The following C13orf42 variants were observed in gnomAD, a reference collection of about 807,000 sequenced individuals.
C13orf42 encodes the protein chromosome 13 open reading frame 42, also known as uncharacterized protein C13orf42.
At chr13:51,159,117 T>G (rs1459017435) in intron 1 of C13orf42, among the ~76,000 whole-genome samples, 2 of 152,164 alleles carry the variant, frequency 1.3e-5, no homozygotes, top group South Asian at 4.1e-4. Context: ...TCTGAGTCAT[T>G]GTGTTTCATA....
intron 1 of C13orf42, among the ~76,000 whole-genome samples, chr13:51,118,250 G>C (rs1953507443): frequency 6.6e-6 from 1 of 150,512 alleles, no homozygotes; most frequent in Non-Finnish European, 1.5e-5. Context: ...TGGACCTTGA[G>C]TAGTGACATT....
At chr13:51,138,872 T>A (rs1200278721) in intron 1 of C13orf42, among the ~76,000 whole-genome samples, 1 of 152,138 alleles carries the variant, frequency 6.6e-6, no homozygotes, top group Non-Finnish European at 1.5e-5. Flanking sequence ...AATGAATATA[T>A]ATACACATAT....
At chr13:51,130,941 A>C (rs1264085811) in intron 1 of C13orf42, among the ~76,000 whole-genome samples, 1 of 151,828 alleles carries the variant, frequency 6.6e-6, no homozygotes, top group Non-Finnish European at 1.5e-5. Context: ...TGTTGTTTTG[A>C]GTTAGGATAA....
chr13:51,160,670 C>T (rs1182884305), intron 1 of C13orf42, among the ~76,000 whole-genome samples: 2 of 151,804 alleles, frequency 1.3e-5, no homozygotes, highest in South Asian at 2.1e-4. Context: ...CTCAGTGGTA[C>T]GAGAAGAGCA....
intron 2 of C13orf42, among the ~76,000 whole-genome samples, chr13:51,086,231 T>C (rs1246763879): frequency 1.4e-5 from 2 of 147,396 alleles, no homozygotes; most frequent in East Asian, 2.0e-4. Context: ...GGCGTGAACC[T>C]GGCAGGCAGA....
intron 1 of C13orf42, among the ~76,000 whole-genome samples, chr13:51,097,699 C>T (rs879312383): frequency 2.6e-5 from 4 of 151,758 alleles, no homozygotes; most frequent in Non-Finnish European, 4.4e-5. Flanking sequence ...TCTTCCCTCC[C>T]TGAACTCACA....
intron 1 of C13orf42, among the ~76,000 whole-genome samples, chr13:51,118,944 T>G (rs962156882): frequency 6.8e-6 from 1 of 146,054 alleles, no homozygotes; most frequent in African/African-American, 2.6e-5. Flanking sequence ...TATGGCATGC[T>G]CTGGTGTATG....
At chr13:51,096,912 C>T (rs573044837) in intron 1 of C13orf42, among the ~76,000 whole-genome samples, 1 of 152,212 alleles carries the variant, frequency 6.6e-6, no homozygotes, top group African/African-American at 2.4e-5. Flanking sequence ...TCAGTCCCTT[C>T]TCCTCATTTC....
rs1273441325 is a variant in C13orf42, at chr13:51,153,621, GTTTTTTTTCTTTT to G, written n.136+18619_136+18631del. Among the ~76,000 whole-genome samples the G allele has an allele frequency of 4.7e-3, 387 of 82,012 alleles. 8 individuals are homozygous for G. The Middle Eastern group carries it at 0.086, about 18-fold the overall frequency. The allele number at this position is 82,012 out of a possible 152,430, so 53.8% of individuals were successfully genotyped here. On this transcript the variant is annotated intron_variant and non_coding_transcript_variant, in intron 1 of 4. Coordinates refer to the C13orf42 transcript ENST00000433280. ...TTATCAACCCATTTTCTTGCTTTCT[GTTTTTTTTCTTTT>G]TTTTTTTTTTTTTTTTTTTTTTGGA...
At chr13:51,124,001 G>A (rs879000507) in intron 1 of C13orf42, among the ~76,000 whole-genome samples, 7 of 152,136 alleles carry the variant, frequency 4.6e-5, no homozygotes, top group South Asian at 2.1e-4. Flanking sequence ...CCATTATTCC[G>A]GAGGTTATAA....
intron 1 of C13orf42, among the ~76,000 whole-genome samples, chr13:51,144,172 T>C (rs1953718217): frequency 6.6e-6 from 1 of 152,068 alleles, no homozygotes; most frequent in South Asian, 2.1e-4. Context: ...TCTGATAACT[T>C]TGGAGACTGT....
intron 1 of C13orf42, among the ~76,000 whole-genome samples, chr13:51,142,893 C>T (rs763017828): frequency 1.7e-4 from 26 of 151,828 alleles, no homozygotes; most frequent in Non-Finnish European, 3.5e-4. Context: ...TCAGAAAGTC[C>T]GACAATGTCA....
intron 1 of C13orf42, among the ~76,000 whole-genome samples, chr13:51,110,584 T>A (rs115685477): frequency 1.3e-3 from 193 of 152,286 alleles, no homozygotes; most frequent in African/African-American, 4.5e-3. Flanking sequence ...TAAAATAAAG[T>A]TAATAATAAA....
At chr13:51,091,003 T>A (rs1319288863) in intron 1 of C13orf42, among the ~76,000 whole-genome samples, 1 of 152,206 alleles carries the variant, frequency 6.6e-6, no homozygotes, top group Non-Finnish European at 1.5e-5. Flanking sequence ...TATTCAAACA[T>A]GTCGCCTATT....
intron 1 of C13orf42, among the ~76,000 whole-genome samples, chr13:51,101,405 TGTATAGC>T (rs1953289263): frequency 6.6e-6 from 1 of 152,190 alleles, no homozygotes; most frequent in Non-Finnish European, 1.5e-5. Flanking sequence ...CAGAAAAAAA[TGTATAGC>T]GTGTGTTTTT....
intron 1 of C13orf42, among the ~76,000 whole-genome samples, chr13:51,165,491 T>A (rs182758378): frequency 3.1e-4 from 47 of 152,258 alleles, no homozygotes; most frequent in African/African-American, 1.1e-3. Context: ...GACTAGGACC[T>A]GGGCAGTCAA....
chr13:51,171,462 C>T (rs1385650095), intron 1 of C13orf42, among the ~76,000 whole-genome samples: 1 of 152,108 alleles, frequency 6.6e-6, no homozygotes, highest in African/African-American at 2.4e-5. Flanking sequence ...CGCCTGTCCC[C>T]TCAGTACCAA....
intron 1 of C13orf42, among the ~76,000 whole-genome samples, chr13:51,091,216 C>T (rs1373308462): frequency 6.6e-6 from 1 of 152,178 alleles, no homozygotes; most frequent in Non-Finnish European, 1.5e-5. Context: ...CATTATAAAA[C>T]TCGTTATAAA....
intron 1 of C13orf42, among the ~76,000 whole-genome samples, chr13:51,128,478 T>C (rs1328537509): frequency 4.6e-5 from 7 of 152,116 alleles, no homozygotes; most frequent in Admixed American, 6.5e-5. Flanking sequence ...AAGGATGGGA[T>C]TGGGTTACAG....
Sources: allele counts gnomAD v4.1 joint callset (sites outside exome capture counted in the v4.1 genomes callset), GRCh38; gene constraint gnomAD v4.1.1; transcripts MANE v1.5; gene names NCBI Gene and HGNC (gene_info 2026-07-23, HGNC 2026-07-21).